Variants in UBR3 observed in about 807,000 individuals in gnomAD.
UBR3 encodes ubiquitin protein ligase E3 component n-recognin 3, also known as E3 ubiquitin-protein ligase UBR3.
Under a neutral mutation model 243.2 loss-of-function variants are expected in UBR3, and 85 were observed. That is an observed-to-expected ratio of 0.35 (90% CI 0.29 to 0.42). The LOEUF (loss-of-function observed/expected upper bound fraction) is 0.42. Among genes scored for constraint, UBR3 ranks in the 10% least tolerant of loss-of-function variants. The pLI, the probability that UBR3 is intolerant of heterozygous loss-of-function variation, is 1.00. For missense variants in UBR3, 1,686 were observed against 2,300.8 expected (o/e 0.73, Z 5.47); for synonymous variants, 748 against 799.8 (o/e 0.94, Z 1.09).
intron 18 of UBR3, among the ~76,000 whole-genome samples, chr2:169,932,581 A>G (rs1045577147): frequency 1.3e-5 from 2 of 152,108 alleles, no homozygotes; most frequent in Non-Finnish European, 2.9e-5. Flanking sequence ...AAATACTCTC[A>G]GAGATCCTAA....
At chr2:170,045,766 C>T (rs1411480049) in intron 32 of UBR3, among the ~76,000 whole-genome samples, 1 of 152,120 alleles carries the variant, frequency 6.6e-6, no homozygotes, top group Non-Finnish European at 1.5e-5. Context: ...TCCCTCCTCC[C>T]TCCCACCTGT....
At chr2:170,039,046 A>G (rs1007743336) in intron 31 of UBR3, among the ~76,000 whole-genome samples, 1 of 152,174 alleles carries the variant, frequency 6.6e-6, no homozygotes, top group East Asian at 1.9e-4. Flanking sequence ...GGCAATTGAA[A>G]TCATGGATTA....
intron 1 of UBR3, among the ~76,000 whole-genome samples, chr2:169,870,252 C>A (rs1202895929): frequency 6.6e-6 from 1 of 152,092 alleles, no homozygotes; most frequent in Non-Finnish European, 1.5e-5. Flanking sequence ...ACATTTATCA[C>A]AAATTTGTAT....
chr2:169,947,512 A>G, intron 21 of UBR3, 30 bp from the exon 22 acceptor site: 2 of 1,411,972 alleles, frequency 1.4e-6, no homozygotes, highest in Non-Finnish European at 1.9e-6. Context: ...ATGTGGCAAG[A>G]CTTGATATTC....
chr2:169,861,713 CTT>C (rs2083099117), intron 1 of UBR3, among the ~76,000 whole-genome samples: 1 of 151,504 alleles, frequency 6.6e-6, no homozygotes, highest in Non-Finnish European at 1.5e-5. Flanking sequence ...GTTTATTAAT[CTT>C]TTATGTTTAT....
Position 170,008,953 on chromosome 2 carries a change from AGT to A in UBR3, c.4367+16_4367+17del, listed in dbSNP as rs1491424600. 1 of 1,491,248 alleles carries A rather than the reference AGT, an allele frequency of 6.7e-7. No homozygotes were observed. The highest frequency in any genetic ancestry group is 1.4e-5 in the African/African-American group (1 of 69,090). 92.4% of individuals were successfully genotyped at this position (1,491,248 alleles called of 1,614,324 possible). On this transcript the variant is annotated intron_variant, in intron 29 of 38. Coordinates refer to ENST00000272793, the MANE Select transcript of UBR3 (RefSeq NM_172070.4). ...ACTCTGTTGCTAGGTAGGTATATAT[AGT>A]GTATACTTTTTAGTTTACTTACTAT...
chr2:169,830,147 C>T (rs377567216), intron 1 of UBR3, among the ~76,000 whole-genome samples: 2 of 151,398 alleles, frequency 1.3e-5, no homozygotes, highest in Non-Finnish European at 2.9e-5. Context: ...ATTTTTTGTG[C>T]GTGTGAATTT....
intron 1 of UBR3, among the ~76,000 whole-genome samples, chr2:169,868,965 C>T (rs560176426): frequency 1.7e-4 from 26 of 152,256 alleles, no homozygotes; most frequent in African/African-American, 6.0e-4. Context: ...GTTACAGAAA[C>T]TGGGTCAGTT....
At chr2:169,924,810 A>C (rs1218301813) in intron 13 of UBR3, among the ~76,000 whole-genome samples, 2 of 152,172 alleles carry the variant, frequency 1.3e-5, no homozygotes, top group Non-Finnish European at 2.9e-5. Context: ...CAAGGCGGGC[A>C]GATCACGAGG....
chr2:170,054,868 G>A (rs567001263), intron 32 of UBR3, among the ~76,000 whole-genome samples: 2 of 152,270 alleles, frequency 1.3e-5, no homozygotes, highest in South Asian at 2.1e-4. Flanking sequence ...GCTATTCCAA[G>A]GTTGAATGGC....
intron 26 of UBR3, among the ~76,000 whole-genome samples, chr2:169,994,864 C>A (rs1574359720): frequency 1.3e-5 from 2 of 152,094 alleles, no homozygotes; most frequent in African/African-American, 2.4e-5. Flanking sequence ...GTTCTTCCTA[C>A]TTCTCAAAGA....
At chr2:170,026,485 A>G (rs17634013) in intron 30 of UBR3, among the ~76,000 whole-genome samples, 5,693 of 152,170 alleles carry the variant, frequency 0.037, 195 homozygotes, top group Admixed American at 0.1. Flanking sequence ...ATGACATTAT[A>G]TTTATTTTAT....
intron 5 of UBR3, 28 bp downstream of exon 5, chr2:169,878,602 A>G (rs2083706072): frequency 1.3e-6 from 2 of 1,540,758 alleles, no homozygotes; most frequent in Non-Finnish European, 1.8e-6. Flanking sequence ...AAACTTTTTA[A>G]AAAGTACAAT....
At chr2:170,029,502 G>A (rs2090615882) in intron 31 of UBR3, 54 bp downstream of exon 31, 5 of 1,371,150 alleles carry the variant, frequency 3.6e-6, no homozygotes, top group African/African-American at 1.5e-5. Flanking sequence ...AAAAACAGGT[G>A]TTAAATATAA....
At chr2:170,010,770 C>T (rs1199563771) in intron 29 of UBR3, among the ~76,000 whole-genome samples, 1 of 152,126 alleles carries the variant, frequency 6.6e-6, no homozygotes, top group East Asian at 1.9e-4. Context: ...GTGTATATAA[C>T]ACTTTAAAAC....
intron 30 of UBR3, among the ~76,000 whole-genome samples, chr2:170,023,994 G>A (rs533921118): frequency 2.0e-4 from 31 of 152,138 alleles, no homozygotes; most frequent in African/African-American, 7.2e-4. Context: ...GAGCCACCGC[G>A]CCTGGCAGAA....
chr2:169,876,292 G>A (rs1574098358), intron 3 of UBR3, among the ~76,000 whole-genome samples: 1 of 152,030 alleles, frequency 6.6e-6, no homozygotes, highest in East Asian at 1.9e-4. Flanking sequence ...GTGTTAGCCA[G>A]GATGGTCTCG....
intron 32 of UBR3, among the ~76,000 whole-genome samples, chr2:170,054,372 C>G (rs1023698918): frequency 6.6e-6 from 1 of 151,886 alleles, no homozygotes; most frequent in African/African-American, 2.4e-5. Context: ...ACCTCCGCCT[C>G]CCGGGTTCAA....
chr2:169,973,754 G>T (rs73017637), intron 24 of UBR3, among the ~76,000 whole-genome samples: 6,519 of 152,198 alleles, frequency 0.043, 155 homozygotes, highest in Middle Eastern at 0.061. Flanking sequence ...AGTGGTGAGA[G>T]TGGGCATCCT....
Sources: allele counts gnomAD v4.1 joint callset (sites outside exome capture counted in the v4.1 genomes callset), GRCh38; gene constraint gnomAD v4.1.1; transcripts MANE v1.5; gene names NCBI Gene and HGNC (gene_info 2026-07-23, HGNC 2026-07-21).